ZNF90: variants seen among roughly 807,000 people sequenced by gnomAD.
ZNF90 encodes zinc finger protein HTF9.
ZNF90 carries 11 observed loss-of-function variants against 12.0 expected under a neutral mutation model. The observed-to-expected ratio is 0.92, with a 90% CI of 0.58 to 1.52. The LOEUF is 1.52. ZNF90 is among the 40% of genes most tolerant of loss of function. The probability of loss-of-function intolerance (pLI) is 0.00; values close to 1 mark genes in which losing one functional copy is unlikely to be tolerated. For synonymous variants in ZNF90, 232 were observed against 240.1 expected (o/e 0.97, Z 0.31); for missense variants, 765 against 711.5 (o/e 1.08, Z -0.86).
intron 1 of ZNF90, among the ~76,000 whole-genome samples, chr19:20,088,500 TAGAG>T (rs1447702659): frequency 6.6e-6 from 1 of 152,166 alleles, no homozygotes; most frequent in Non-Finnish European, 1.5e-5. Context: ...GACATCCAAT[TAGAG>T]AGTGCCCAAG....
intron 2 of ZNF90, 81 bp downstream of exon 2, chr19:20,104,446 T>A (rs1599648843): frequency 2.0e-6 from 3 of 1,478,058 alleles, no homozygotes; most frequent in Non-Finnish European, 2.7e-6. Context: ...TTTTTAGTAA[T>A]GTATTGTTTG....
intron 3 of ZNF90, among the ~76,000 whole-genome samples, chr19:20,109,533 T>TAA (rs1468267505): frequency 6.6e-6 from 1 of 152,146 alleles, no homozygotes; most frequent in Non-Finnish European, 1.5e-5. Context: ...AGCATTGTTT[T>TAA]AAAAACACAT....
At chr19:20,110,397 G>A (rs1389942532) in intron 3 of ZNF90, among the ~76,000 whole-genome samples, 1 of 151,998 alleles carries the variant, frequency 6.6e-6, no homozygotes, top group African/African-American at 2.4e-5. Flanking sequence ...TCCTGCTTCA[G>A]CCTCCCTAGT....
Position 20,094,576 on chromosome 19 carries a change from T to A in ZNF90, c.4-9663T>A, listed in dbSNP as rs113218868. ...CTCGCCTAGCTATACCTGGGGAATT[T>A]GCCTGATGGTTCCATTGGGGATCCT... On this transcript the variant is annotated intron_variant, in intron 1 of 3. Coordinates refer to ENST00000418063, the MANE Select transcript of ZNF90 (RefSeq NM_007138.2). 2.0e-3 allele frequency among the ~76,000 whole-genome samples: 309 copies of A among 152,326 alleles called. 1 individual carries two copies. The highest frequency in any genetic ancestry group is 3.5e-3 in the Non-Finnish European group (240 of 68,028).
intron 3 of ZNF90, among the ~76,000 whole-genome samples, chr19:20,108,012 G>A (rs990606071): frequency 3.3e-5 from 5 of 151,700 alleles, no homozygotes; most frequent in African/African-American, 1.2e-4. Flanking sequence ...CCCTATTCTG[G>A]AAAAAAAATA....
intron 3 of ZNF90, among the ~76,000 whole-genome samples, chr19:20,107,645 C>CT (rs1378789485): frequency 4.6e-5 from 7 of 151,882 alleles, no homozygotes; most frequent in Admixed American, 2.6e-4. Context: ...GGATGGCTGA[C>CT]TTTTTTTTGC....
rs1555706308 is a variant in ZNF90 at position 20,119,294 on chromosome 19, T to G, written c.1740T>G (p.Leu580=). 2 of 1,612,088 alleles carry G rather than the reference T, an allele frequency of 1.2e-6. No individual in the cohort carries two copies. Among genetic ancestry groups the G allele is most frequent in the East Asian group, 2.2e-5 (1 of 44,810 alleles). ...CGKAFNLSSD[L]NTHKRIHIGQ... is the part of the protein sequence containing the mutation. Reference sequence around the variant, plus strand: ...AAGCTTTTAACTTGTCCTCAGACCTTAATACACATAAGAGGATTCATATTG... The same window carrying G: ...AAGCTTTTAACTTGTCCTCAGACCTGAATACACATAAGAGGATTCATATTG... The change falls in exon 4 of 4, where the codon CTT becomes CTG. Residue 580 remains leucine (L), a synonymous_variant. Transcript: ENST00000418063.
chr19:20,078,180 T>C, intron 1 of ZNF90, 45 bp downstream of exon 1: 5 of 1,613,376 alleles, frequency 3.1e-6, no homozygotes, highest in Non-Finnish European at 4.2e-6. Flanking sequence ...AGGGACTGGT[T>C]GGAACCGATG....
intron 1 of ZNF90, among the ~76,000 whole-genome samples, chr19:20,097,114 G>A (rs2088953937): frequency 6.6e-6 from 1 of 152,164 alleles, no homozygotes; most frequent in East Asian, 1.9e-4. Flanking sequence ...TATCTTTGCA[G>A]TCACTTAAGC....
intron 3 of ZNF90, among the ~76,000 whole-genome samples, chr19:20,116,617 C>T (rs563917642): frequency 6.6e-6 from 1 of 152,156 alleles, no homozygotes; most frequent in African/African-American, 2.4e-5. Flanking sequence ...CTACCTGTTA[C>T]AATCTTTTTA....
intron 3 of ZNF90, among the ~76,000 whole-genome samples, chr19:20,106,044 C>CTTTTTTTTTT (rs56933917): frequency 3.2e-4 from 23 of 71,048 alleles, no homozygotes; most frequent in African/African-American, 6.4e-4. Context: ...CTAATTTTTT[C>CTTTTTTTTTT]TTTTTTTTTT....
intron 3 of ZNF90, among the ~76,000 whole-genome samples, chr19:20,116,238 C>T (rs2089136249): frequency 6.6e-6 from 1 of 152,134 alleles, no homozygotes; most frequent in South Asian, 2.1e-4. Context: ...GGTACAATCT[C>T]CACTCACTGC....
intron 1 of ZNF90, among the ~76,000 whole-genome samples, chr19:20,098,969 A>T (rs144304965): frequency 6.6e-6 from 1 of 152,192 alleles, no homozygotes; most frequent in East Asian, 1.9e-4. Context: ...ATTAAAAAAA[A>T]TACATGAAGC....
chr19:20,115,413 T>G (rs996405390), intron 3 of ZNF90, among the ~76,000 whole-genome samples: 3 of 134,748 alleles, frequency 2.2e-5, no homozygotes, highest in Admixed American at 7.1e-5. Flanking sequence ...TCATTTTCCT[T>G]TCTGTTTTTT....
intron 1 of ZNF90, among the ~76,000 whole-genome samples, chr19:20,094,105 T>C (rs2088923930): frequency 6.6e-6 from 1 of 152,190 alleles, no homozygotes; most frequent in African/African-American, 2.4e-5. Context: ...ATGGAGGAAG[T>C]CTTGTAGGAA....
intron 1 of ZNF90, among the ~76,000 whole-genome samples, chr19:20,093,075 G>A (rs1420151116): frequency 6.6e-6 from 1 of 152,220 alleles, no homozygotes; most frequent in Non-Finnish European, 1.5e-5. Context: ...GACGAGGGGT[G>A]CAGGGGAATA....
At chr19:20,117,399 C>CCTTCCTTCCTTCCTTCCTTT (rs2089148714) in intron 3 of ZNF90, among the ~76,000 whole-genome samples, 1 of 136,252 alleles carries the variant, frequency 7.3e-6, no homozygotes, top group African/African-American at 3.3e-5. Flanking sequence ...TTTCTTTTCT[C>CCTTCCTTCCTTCCTTCCTTT]CTTCCTTCCT....
chr19:20,093,287 G>C (rs1568284785), intron 1 of ZNF90, among the ~76,000 whole-genome samples: 1 of 152,210 alleles, frequency 6.6e-6, no homozygotes, highest in Non-Finnish European at 1.5e-5. Flanking sequence ...AGAGTTTATA[G>C]GTTTTAGAAG....
chr19:20,090,567 G>A (rs986985762), intron 1 of ZNF90, among the ~76,000 whole-genome samples: 1 of 152,302 alleles, frequency 6.6e-6, no homozygotes, highest in African/African-American at 2.4e-5. Flanking sequence ...CATCGAGGTT[G>A]TAGAGTTTGA....
Sources: gnomAD v4.1 joint callset for allele counts (sites outside exome capture counted in the v4.1 genomes callset) on GRCh38, gnomAD v4.1.1 for gene constraint, MANE v1.5 for transcripts, NCBI Gene and HGNC (gene_info 2026-07-23, HGNC 2026-07-21) for gene names.